The following GLG1 variants were observed in gnomAD, a reference collection of about 807,000 sequenced individuals.
GLG1 encodes golgi glycoprotein 1.
In GLG1, 38 loss-of-function variants were observed where a neutral mutation model predicts 160.5. The observed-to-expected ratio is 0.24, with a 90% CI of 0.18 to 0.31. GLG1 has a LOEUF of 0.31. Among genes scored for constraint, GLG1 ranks in the 10% least tolerant of loss-of-function variants. GLG1 has a pLI of 1.00. For synonymous variants in GLG1, 644 were observed against 543.4 expected (o/e 1.19, Z -2.57); for missense variants, 1,373 against 1,505.2 (o/e 0.91, Z 1.45).
chr16:74,494,888 T>C (rs2016130419), intron 5 of GLG1, 57 bp from the exon 6 acceptor site: 2 of 850,982 alleles, frequency 2.4e-6, no homozygotes, highest in African/African-American at 3.3e-5. Context: ...ATGCTGAACA[T>C]TATCCACAAT....
chr16:74,455,308 T>TC (rs1260728993), intron 25 of GLG1, among the ~76,000 whole-genome samples: 1 of 152,090 alleles, frequency 6.6e-6, no homozygotes, highest in Non-Finnish European at 1.5e-5. Flanking sequence ...TATGCTCATA[T>TC]CACGTACACA....
At chr16:74,544,198 T>C (rs2017979781) in intron 1 of GLG1, among the ~76,000 whole-genome samples, 2 of 152,346 alleles carry the variant, frequency 1.3e-5, no homozygotes, top group African/African-American at 2.4e-5. Context: ...TTCATTACTA[T>C]ACAATCTATA....
intron 1 of GLG1, among the ~76,000 whole-genome samples, chr16:74,549,354 T>C (rs556694318): frequency 5.3e-5 from 8 of 152,176 alleles, no homozygotes; most frequent in Admixed American, 5.2e-4. Context: ...AGTGCAGTGA[T>C]GCAATCTCAG....
At chr16:74,553,713 T>C (rs2018274346) in intron 1 of GLG1, among the ~76,000 whole-genome samples, 1 of 152,152 alleles carries the variant, frequency 6.6e-6, no homozygotes, top group African/African-American at 2.4e-5. Context: ...GACCTCGTGA[T>C]CCACCCGCCT....
Position 74,496,544 on chromosome 16 carries a change from T to A in GLG1, c.875A>T (p.Lys292Met). 1 of 1,613,680 alleles carries A rather than the reference T, an allele frequency of 6.2e-7. No homozygotes were observed. Among genetic ancestry groups the A allele is most frequent in the Non-Finnish European group, 8.5e-7 (1 of 1,179,594 alleles). ...CTCAGCCACCCGGAGAATGGCTTTC[T>A]TGCAGAGTTCAGAAACTTGAATCTT... ...EPKIQVSELC[K>M]KAILRVAELS... The change falls in exon 5 of 26, where the codon AAG becomes ATG. Residue 292 changes from lysine to methionine, a missense_variant. By Grantham distance (95) the Lys-to-Met change is moderately conservative (BLOSUM62 -1). Transcript: ENST00000422840.
intron 12 of GLG1, among the ~76,000 whole-genome samples, chr16:74,476,597 C>T: frequency 6.6e-6 from 1 of 152,202 alleles, no homozygotes; most frequent in Non-Finnish European, 1.5e-5. Context: ...AGTATTCCTA[C>T]TGCTGAGTAT....
Position 74,508,857 on chromosome 16 carries a change from G to A in GLG1, c.540C>T (p.Cys180=), listed in dbSNP as rs991393851. The change falls in exon 3 of 26, where the codon TGC becomes TGT. Residue 180 remains cysteine (C), a synonymous_variant. Coordinates refer to ENST00000422840, the MANE Select transcript of GLG1 (RefSeq NM_001145667.2). ...PKFESVAREV[C]KSTITEIKEC... is the part of the protein sequence containing the mutation. The stretch of plus-strand genomic sequence containing the variant: ...AACTTACCTCTGTTATAGTAGATTT[G>A]CAAACCTCTCTGGCCACAGATTCAA... 6 of 1,502,966 alleles carry A rather than the reference G, an allele frequency of 4.0e-6. No homozygotes were observed. The highest frequency in any genetic ancestry group is 5.6e-6 in the Non-Finnish European group (6 of 1,079,986). 93.1% of individuals were successfully genotyped at this position (1,502,966 alleles called of 1,614,324 possible).
intron 1 of GLG1, among the ~76,000 whole-genome samples, chr16:74,594,280 G>A (rs1424200238): frequency 3.3e-5 from 5 of 152,098 alleles, no homozygotes; most frequent in Non-Finnish European, 5.9e-5. Context: ...TATAGATCCA[G>A]GATTCAAGTC....
intron 2 of GLG1, among the ~76,000 whole-genome samples, chr16:74,519,319 A>T (rs2017084301): frequency 7.3e-6 from 1 of 136,626 alleles, no homozygotes; most frequent in Admixed American, 7.7e-5. Flanking sequence ...GGAACATCAC[A>T]CACTGGGGCC....
At chr16:74,463,919 T>G in intron 19 of GLG1, 1 of 188,418 alleles carries the variant, frequency 5.3e-6, no homozygotes, top group Admixed American at 5.4e-5. Context: ...AACAGGAATG[T>G]AGAAGAACAA....
At chr16:74,464,820 C>A (rs1473349227) in intron 19 of GLG1, among the ~76,000 whole-genome samples, 1 of 151,126 alleles carries the variant, frequency 6.6e-6, no homozygotes, top group Non-Finnish European at 1.5e-5. Context: ...GGAGCTAGAA[C>A]CTTTAGTTTA....
intron 1 of GLG1, among the ~76,000 whole-genome samples, chr16:74,581,782 G>A (rs1001698279): frequency 2.0e-4 from 31 of 151,982 alleles, no homozygotes; most frequent in African/African-American, 6.3e-4. Context: ...CTTGGTGGCG[G>A]GCGCCTGTAA....
chr16:74,447,590 A>G lies in GLG1; in HGVS notation c.*5577T>C, dbSNP rs2014117499. 1 of 152,250 alleles carries G rather than the reference A, an allele frequency of 6.6e-6. No individual in the cohort carries two copies. The highest frequency in any genetic ancestry group is 1.5e-5 in the Non-Finnish European group (1 of 68,042). The allele number at this position is 152,250 out of a possible 1,614,324, so 9.4% of individuals were successfully genotyped here. A position where few individuals can be genotyped will look rare whatever the true frequency, so the allele number is the denominator to read the frequency against. On this transcript the variant is annotated 3_prime_UTR_variant, in exon 26 of 26. Coordinates refer to ENST00000422840, the MANE Select transcript of GLG1 (RefSeq NM_001145667.2). The stretch of plus-strand genomic sequence containing the variant: ...ACCACGATTTTATACATAGAAAGGA[A>G]ACCCATTTACAAAAGAGGCTTGTTA...
intron 2 of GLG1, among the ~76,000 whole-genome samples, chr16:74,521,235 T>A (rs1300169202): frequency 6.6e-6 from 1 of 152,130 alleles, no homozygotes; most frequent in Non-Finnish European, 1.5e-5. Context: ...AGAGTTGGTA[T>A]TTGCACGCTT....
At chr16:74,529,468 T>A (rs2017456272) in intron 2 of GLG1, among the ~76,000 whole-genome samples, 1 of 152,168 alleles carries the variant, frequency 6.6e-6, no homozygotes, top group African/African-American at 2.4e-5. Context: ...CTATTTTATT[T>A]ATAGGAAAAT....
intron 1 of GLG1, among the ~76,000 whole-genome samples, chr16:74,539,411 T>C (rs1414514076): frequency 3.9e-5 from 6 of 151,924 alleles, no homozygotes; most frequent in African/African-American, 9.7e-5. Flanking sequence ...CACATAAATA[T>C]AGAACAGTGA....
rs747228950 is a variant in GLG1 at position 74,452,009 on chromosome 16, G to A, written c.*1158C>T. On this transcript the variant is annotated 3_prime_UTR_variant, in exon 26 of 26. Transcript: ENST00000422840. ...CTTTCCACACCCTCTCCACGTAGAGGCACAAAGGAGCTTGTCTGGGAAGTT... is the reference window on the plus strand; with the variant it reads ...CTTTCCACACCCTCTCCACGTAGAGACACAAAGGAGCTTGTCTGGGAAGTT... 4 of 1,316,820 alleles carry A rather than the reference G, an allele frequency of 3.0e-6. No individual in the cohort carries two copies. The Admixed American group carries it at 6.7e-5, about 22-fold the overall frequency. 81.6% of individuals were successfully genotyped at this position (1,316,820 alleles called of 1,614,324 possible).
intron 1 of GLG1, among the ~76,000 whole-genome samples, chr16:74,537,157 A>G (rs2017708875): frequency 6.6e-6 from 1 of 152,234 alleles, no homozygotes; most frequent in Non-Finnish European, 1.5e-5. Flanking sequence ...GTAAACTATT[A>G]TAAACAGAAG....
intron 2 of GLG1, among the ~76,000 whole-genome samples, chr16:74,511,185 G>A (rs2016792084): frequency 6.6e-6 from 1 of 151,994 alleles, no homozygotes; most frequent in Non-Finnish European, 1.5e-5. Context: ...CTTTTTAGAA[G>A]GACAGAGGCA....
Sources: allele counts gnomAD v4.1 joint callset (sites outside exome capture counted in the v4.1 genomes callset), GRCh38; gene constraint gnomAD v4.1.1; transcripts MANE v1.5; gene names NCBI Gene and HGNC (gene_info 2026-07-23, HGNC 2026-07-21).